LRMDA: variants seen among roughly 807,000 people sequenced by gnomAD.
LRMDA encodes leucine-rich melanocyte differentiation-associated protein.
LRMDA carries 18 observed loss-of-function variants against 29.8 expected under a neutral mutation model. The observed-to-expected ratio is 0.60, with a 90% CI of 0.42 to 0.90. The LOEUF (loss-of-function observed/expected upper bound fraction) is 0.90. Among genes scored for constraint, LRMDA ranks in the 40% least tolerant of loss-of-function variants. The probability of loss-of-function intolerance (pLI) is 0.00; values close to 1 mark genes in which losing one functional copy is unlikely to be tolerated. For synonymous variants in LRMDA, 125 were observed against 109.4 expected, an observed-to-expected ratio of 1.14 and a Z score of -0.89; for missense variants, 273 against 273.9, an observed-to-expected ratio of 1.00 and a Z score of 0.02.
Position 76,496,472 on chromosome 10 carries a change from G to A in LRMDA, c.602-60737G>A, listed in dbSNP as rs1842880093. Among the ~76,000 whole-genome samples the A allele has an allele frequency of 2.7e-5, 2 of 75,230 alleles. 1 individual carries two copies. The highest frequency in any genetic ancestry group is 8.8e-5 in the Non-Finnish European group (2 of 22,636). 49.4% of individuals were successfully genotyped at this position (75,230 alleles called of 152,430 possible). On this transcript the variant is annotated intron_variant, in intron 6 of 6. Coordinates refer to ENST00000611255, the MANE Select transcript of LRMDA (RefSeq NM_001305581.2). The stretch of plus-strand genomic sequence containing the variant: ...CCTCTATTAGGACACACTGTCCTAC[G>A]TTGCTCTATATCCAATGTCTTTCGT...
intron 2 of LRMDA, among the ~76,000 whole-genome samples, chr10:75,714,668 T>G (rs1220221740): frequency 6.6e-6 from 1 of 152,268 alleles, no homozygotes; most frequent in Non-Finnish European, 1.5e-5. Context: ...GCATTTAGGC[T>G]ACTTAAATTT....
chr10:75,858,687 A>C (rs1054689220), intron 2 of LRMDA, among the ~76,000 whole-genome samples: 1 of 152,144 alleles, frequency 6.6e-6, no homozygotes, highest in African/African-American at 2.4e-5. Context: ...TTGTTCTATA[A>C]ATTTCTGAAA....
chr10:76,013,296 T>A (rs1260998160), intron 2 of LRMDA, among the ~76,000 whole-genome samples: 7 of 133,668 alleles, frequency 5.2e-5, no homozygotes, highest in African/African-American at 1.9e-4. Context: ...GATGATTTAA[T>A]TTTTTTTTTT....
chr10:75,840,714 T>A (rs1844526283), intron 2 of LRMDA, among the ~76,000 whole-genome samples: 1 of 152,266 alleles, frequency 6.6e-6, no homozygotes. Flanking sequence ...TTGCTATTAA[T>A]GAACTATGAA....
chr10:76,034,359 A>C (rs1348993020), intron 2 of LRMDA, among the ~76,000 whole-genome samples: 1 of 152,102 alleles, frequency 6.6e-6, no homozygotes, highest in Non-Finnish European at 1.5e-5. Context: ...CGGAACCAAG[A>C]GGAAAAAGAG....
At chr10:75,539,515 A>T (rs1839989889) in intron 2 of LRMDA, among the ~76,000 whole-genome samples, 1 of 152,210 alleles carries the variant, frequency 6.6e-6, no homozygotes, top group Admixed American at 6.5e-5. Flanking sequence ...TTTGCACATT[A>T]TAAGCCTCGG....
intron 5 of LRMDA, among the ~76,000 whole-genome samples, chr10:76,295,085 G>C (rs1324290575): frequency 6.6e-6 from 1 of 152,196 alleles, no homozygotes; most frequent in Non-Finnish European, 1.5e-5. Flanking sequence ...ATCTCAAATA[G>C]TTGAAACATT....
At chr10:76,463,572 TAG>T (rs1452663735) in intron 6 of LRMDA, among the ~76,000 whole-genome samples, 6 of 152,174 alleles carry the variant, frequency 3.9e-5, no homozygotes, top group African/African-American at 1.4e-4. Flanking sequence ...CTGCAAGTTT[TAG>T]AGTGTTTGAG....
chr10:76,447,858 T>A (rs1026625521), intron 6 of LRMDA, among the ~76,000 whole-genome samples: 1 of 152,188 alleles, frequency 6.6e-6, no homozygotes, highest in Non-Finnish European at 1.5e-5. Context: ...GGTTCCAGCA[T>A]TTTTTCCTTG....
At chr10:76,125,714 C>G (rs1849869713) in intron 5 of LRMDA, among the ~76,000 whole-genome samples, 1 of 152,130 alleles carries the variant, frequency 6.6e-6, no homozygotes, top group African/African-American at 2.4e-5. Context: ...GACTGTGTCC[C>G]ACATCAGGAC....
intron 2 of LRMDA, among the ~76,000 whole-genome samples, chr10:75,710,135 C>A (rs1036834371): frequency 6.6e-6 from 1 of 152,054 alleles, no homozygotes; most frequent in Admixed American, 6.6e-5. Flanking sequence ...GAAGAGAAAC[C>A]GAGGGAGCAA....
rs1433927733 is a variant in LRMDA, at chr10:76,007,054, A to AG, written c.132-28954_132-28953insG. On this transcript the variant is annotated intron_variant, in intron 2 of 6. Coordinates refer to ENST00000611255, the MANE Select transcript of LRMDA (RefSeq NM_001305581.2). ...TGTGCGCGTGTGTGTTTATATATTT[A>AG]TTTTCCGTCTCTCTGCCCCCTGGGC... 4.7e-5 allele frequency among the ~76,000 whole-genome samples: 6 copies of AG among 128,988 alleles called. No individual in the cohort carries two copies. In the Admixed American group the frequency reaches 4.8e-4, roughly 10 times the overall value. The allele number at this position is 128,988 out of a possible 152,430, so 84.6% of individuals were successfully genotyped here.
At chr10:75,677,891 T>G (rs1841979736) in intron 2 of LRMDA, among the ~76,000 whole-genome samples, 1 of 152,176 alleles carries the variant, frequency 6.6e-6, no homozygotes, top group African/African-American at 2.4e-5. Context: ...CAAATAAAAA[T>G]GTGAATGAAA....
At chr10:76,448,692 A>G (rs376132322) in intron 6 of LRMDA, among the ~76,000 whole-genome samples, 1 of 151,944 alleles carries the variant, frequency 6.6e-6, no homozygotes, top group East Asian at 1.9e-4. Context: ...GTTTTCCCAG[A>G]GAACCTGTTT....
At chr10:76,225,995 C>A (rs184965654) in intron 5 of LRMDA, among the ~76,000 whole-genome samples, 295 of 150,452 alleles carry the variant, frequency 2.0e-3, no homozygotes, top group African/African-American at 7.0e-3. Context: ...TTTGTCCTTG[C>A]GATACTTTGC....
Position 76,304,407 on chromosome 10 carries a change from C to T in LRMDA, c.517-19994C>T, listed in dbSNP as rs117232736. Among the ~76,000 whole-genome samples the T allele has an allele frequency of 1.4e-3, 211 of 152,300 alleles. 1 individual carries two copies. Among genetic ancestry groups the T allele is most frequent in the South Asian group, 9.1e-3 (44 of 4,816 alleles). ...TGGATGACTCCATTTGGCAGAAGCG[C>T]ACCTTAAACTTGTAGTCCTTTCACA... is the stretch of plus-strand genomic sequence containing the variant. On this transcript the variant is annotated intron_variant, in intron 5 of 6. Coordinates refer to ENST00000611255, the MANE Select transcript of LRMDA (RefSeq NM_001305581.2).
At chr10:76,177,215 C>T (rs1050110987) in intron 5 of LRMDA, among the ~76,000 whole-genome samples, 4 of 152,184 alleles carry the variant, frequency 2.6e-5, no homozygotes, top group African/African-American at 9.7e-5. Context: ...CTTTTCCTTG[C>T]AGCTGCTATC....
intron 2 of LRMDA, among the ~76,000 whole-genome samples, chr10:75,758,965 C>T (rs570905182): frequency 0.022 from 3,169 of 147,202 alleles, 107 homozygotes; most frequent in African/African-American, 0.074. Context: ...TTTTTTTTTT[C>T]GTCAAGAAGT....
At chr10:76,553,263 A>C (rs954948659) in intron 6 of LRMDA, among the ~76,000 whole-genome samples, 2 of 152,218 alleles carry the variant, frequency 1.3e-5, no homozygotes, top group Admixed American at 6.5e-5. Context: ...CAGATCTTTT[A>C]ATTAAAAACA....
Sources: allele counts gnomAD v4.1 joint callset (sites outside exome capture counted in the v4.1 genomes callset), GRCh38; gene constraint gnomAD v4.1.1; transcripts MANE v1.5; gene names NCBI Gene and HGNC (gene_info 2026-07-23, HGNC 2026-07-21).